Variants in PLPP4 observed in about 807,000 individuals in gnomAD.
PLPP4 encodes diacylglycerol pyrophosphate like 2.
A neutral mutation model predicts 32.2 loss-of-function variants in PLPP4; 20 were observed. That is an observed-to-expected ratio of 0.62 (90% CI 0.44 to 0.90). The LOEUF is 0.90. PLPP4 is among the 40% of genes least tolerant of loss of function. The pLI is 0.00. For synonymous variants in PLPP4, 127 were observed against 133.0 expected, an observed-to-expected ratio of 0.95 and a Z score of 0.31; for missense variants, 257 against 353.1, an observed-to-expected ratio of 0.73 and a Z score of 2.18.
At chr10:120,567,073 T>A (rs1239221198) in intron 5 of PLPP4, among the ~76,000 whole-genome samples, 1 of 152,194 alleles carries the variant, frequency 6.6e-6, no homozygotes, top group Non-Finnish European at 1.5e-5. Context: ...CCCTTCATTT[T>A]TGGGAACCTT....
At position 120,515,564 on chromosome 10, in the gene PLPP4, C is replaced by T. The variant is rs1041134315; in HGVS notation, c.256+1563C>T. On this transcript the variant is annotated intron_variant, in intron 3 of 6. Transcript: ENST00000398250. ...AGCCATGAGTCCCTGGCCAGCCTGTCGATGCCCTCCCTCAGGTCAGGTGTG... is the reference window on the plus strand; with the variant it reads ...AGCCATGAGTCCCTGGCCAGCCTGTTGATGCCCTCCCTCAGGTCAGGTGTG... Among the ~76,000 whole-genome samples, 7 of 152,188 alleles carry T rather than the reference C, an allele frequency of 4.6e-5. No individual in the cohort carries two copies. In the South Asian group the frequency reaches 1.2e-3, roughly 27 times the overall value.
intron 5 of PLPP4, among the ~76,000 whole-genome samples, chr10:120,537,587 A>G (rs968299499): frequency 5.9e-5 from 9 of 152,176 alleles, no homozygotes; most frequent in African/African-American, 2.2e-4. Context: ...ACAAACTTAT[A>G]AGATGAATAA....
chr10:120,576,516 A>G (rs1441320888), intron 6 of PLPP4, among the ~76,000 whole-genome samples: 1 of 152,152 alleles, frequency 6.6e-6, no homozygotes, highest in Non-Finnish European at 1.5e-5. Context: ...CTAGCACTAC[A>G]CAGCTTCTCC....
chr10:120,532,180 TGTTA>T (rs907891832), intron 5 of PLPP4, among the ~76,000 whole-genome samples: 19 of 152,124 alleles, frequency 1.2e-4, no homozygotes, highest in African/African-American at 4.6e-4. Flanking sequence ...TCTGTTCCTG[TGTTA>T]GTTTACTAAG....
intron 5 of PLPP4, among the ~76,000 whole-genome samples, chr10:120,523,539 G>A (rs1246626575): frequency 6.6e-6 from 1 of 152,086 alleles, no homozygotes; most frequent in East Asian, 1.9e-4. Flanking sequence ...TTGTTTAGAG[G>A]TACCTGGAAT....
intron 1 of PLPP4, among the ~76,000 whole-genome samples, chr10:120,491,508 TTCTAA>T (rs1366794666): frequency 1.5e-5 from 2 of 129,920 alleles, no homozygotes; most frequent in African/African-American, 2.9e-5. Flanking sequence ...TCCTTTTACT[TTCTAA>T]TTTTTCTCAT....
At chr10:120,580,115 C>CAAAAAAAA (rs10609637) in intron 6 of PLPP4, among the ~76,000 whole-genome samples, 1 of 91,572 alleles carries the variant, frequency 1.1e-5, no homozygotes, top group Non-Finnish European at 2.2e-5. Context: ...GCGAGACTCT[C>CAAAAAAAA]AAAAAAAAAA....
intron 5 of PLPP4, among the ~76,000 whole-genome samples, chr10:120,561,370 A>G (rs1589884275): frequency 6.6e-6 from 1 of 152,096 alleles, no homozygotes; most frequent in South Asian, 2.1e-4. Flanking sequence ...TACCGGCACC[A>G]TTTATTGATA....
At chr10:120,560,855 G>A (rs1926553) in intron 5 of PLPP4, among the ~76,000 whole-genome samples, 150,034 of 152,352 alleles carry the variant, frequency 0.98, 73,912 homozygotes, top group East Asian at 1. Flanking sequence ...TTGACCATTT[G>A]TGTTATCAGC....
chr10:120,540,373 TATTC>T lies in PLPP4; in HGVS notation c.445+19283_445+19286del, dbSNP rs1166803606. Among the ~76,000 whole-genome samples the T allele has an allele frequency of 4.6e-5, 7 of 152,312 alleles. No individual in the cohort carries two copies. In the East Asian group the frequency reaches 1.2e-3, roughly 25 times the overall value. The stretch of plus-strand genomic sequence containing the variant: ...AATACTCTGTAAACTCTTTAAAAAG[TATTC>T]ATTCTCATTTATTTAGTCACTTAAT... On this transcript the variant is annotated intron_variant, in intron 5 of 6. Coordinates refer to ENST00000398250, the MANE Select transcript of PLPP4 (RefSeq NM_001030059.3).
intron 1 of PLPP4, among the ~76,000 whole-genome samples, chr10:120,473,266 G>A (rs896029112): frequency 2.6e-5 from 4 of 151,792 alleles, no homozygotes; most frequent in African/African-American, 9.7e-5. Flanking sequence ...TTAGTCTTCA[G>A]AACTTTAATT....
intron 6 of PLPP4, among the ~76,000 whole-genome samples, chr10:120,584,597 T>C (rs748499621): frequency 1.4e-4 from 22 of 152,248 alleles, no homozygotes; most frequent in Non-Finnish European, 3.1e-4. Context: ...TGGGGCAAAG[T>C]TAATCCCAAG....
At chr10:120,514,057 C>A in intron 3 of PLPP4, 56 bp downstream of exon 3, 1 of 1,288,010 alleles carries the variant, frequency 7.8e-7, no homozygotes, top group African/African-American at 1.5e-5. Context: ...ATTAGATGAT[C>A]ACATTTAAGA....
chr10:120,550,684 A>G (rs1317372386), intron 5 of PLPP4, among the ~76,000 whole-genome samples: 1 of 151,970 alleles, frequency 6.6e-6, no homozygotes, highest in Non-Finnish European at 1.5e-5. Flanking sequence ...ATGATATTAG[A>G]AATTCTGAAT....
At chr10:120,463,243 G>T (rs961161696) in intron 1 of PLPP4, among the ~76,000 whole-genome samples, 3 of 151,992 alleles carry the variant, frequency 2.0e-5, no homozygotes, top group Non-Finnish European at 4.4e-5. Flanking sequence ...AGCCAGGATG[G>T]TCTCGATCTC....
At chr10:120,526,815 A>G (rs1028620937) in intron 5 of PLPP4, among the ~76,000 whole-genome samples, 4 of 151,126 alleles carry the variant, frequency 2.6e-5, no homozygotes, top group African/African-American at 9.7e-5. Flanking sequence ...CCCATAGTTC[A>G]CCCCCTGCCT....
chr10:120,539,576 G>C (rs953125940), intron 5 of PLPP4, among the ~76,000 whole-genome samples: 1 of 152,180 alleles, frequency 6.6e-6, no homozygotes, highest in Non-Finnish European at 1.5e-5. Flanking sequence ...CTGGGGACTT[G>C]GGGCGGGGCA....
chr10:120,495,433 A>G (rs1035827456), intron 1 of PLPP4, among the ~76,000 whole-genome samples: 1 of 152,118 alleles, frequency 6.6e-6, no homozygotes, highest in African/African-American at 2.4e-5. Context: ...ATAATCTGAT[A>G]GGCCTCCTTC....
At chr10:120,503,057 C>G (rs1341619269) in intron 1 of PLPP4, among the ~76,000 whole-genome samples, 1 of 152,240 alleles carries the variant, frequency 6.6e-6, no homozygotes, top group East Asian at 1.9e-4. Flanking sequence ...CCCAGCACCT[C>G]CCACTTTGCC....
Sources: gnomAD v4.1 joint callset for allele counts (sites outside exome capture counted in the v4.1 genomes callset) on GRCh38, gnomAD v4.1.1 for gene constraint, MANE v1.5 for transcripts, NCBI Gene and HGNC (gene_info 2026-07-23, HGNC 2026-07-21) for gene names.